DICER1: variants seen among roughly 807,000 people sequenced by gnomAD.
DICER1 encodes endoribonuclease Dicer.
Under a neutral mutation model 194.1 loss-of-function variants are expected in DICER1, and 43 were observed. That is an observed-to-expected ratio of 0.22 (90% CI 0.17 to 0.29). DICER1 has a LOEUF of 0.29. Ranked by LOEUF, DICER1 falls within the 10% of genes least tolerant of loss-of-function variation. The pLI, the probability that DICER1 is intolerant of heterozygous loss-of-function variation, is 1.00. For missense variants in DICER1, 1,608 were observed against 2,317.0 expected (o/e 0.69, Z 6.28); for synonymous variants, 832 against 820.5 (o/e 1.01, Z -0.24).
chr14:95,157,127 G>T (rs1442525389), intron 1 of DICER1, 103 bp downstream of exon 1: 1 of 150,102 alleles, frequency 6.7e-6, no homozygotes, highest in Non-Finnish European at 1.5e-5. Flanking sequence ...GCGCGGCTCG[G>T]GGCCATGGCC....
chr14:95,108,535 C>T, intron 14 of DICER1, 32 bp from the exon 15 acceptor site: 6 of 1,595,744 alleles, frequency 3.8e-6, no homozygotes, highest in Non-Finnish European at 5.2e-6. Flanking sequence ...AAGCGTCATG[C>T]TCAAGCATAT....
At chr14:95,123,260 T>C (rs1210785333) in intron 8 of DICER1, among the ~76,000 whole-genome samples, 1 of 152,112 alleles carries the variant, frequency 6.6e-6, no homozygotes, top group African/African-American at 2.4e-5. Context: ...GGAGAAAGAG[T>C]AGGAATCCAC....
intron 1 of DICER1, among the ~76,000 whole-genome samples, chr14:95,135,440 C>G (rs910030040): frequency 6.7e-6 from 1 of 148,996 alleles, no homozygotes; most frequent in Non-Finnish European, 1.5e-5. Context: ...AGCAGCACCC[C>G]CTCCTCCCTA....
chr14:95,154,918 C>G (rs1895744155), intron 1 of DICER1, among the ~76,000 whole-genome samples: 1 of 151,878 alleles, frequency 6.6e-6, no homozygotes, highest in South Asian at 2.1e-4. Context: ...ATTCATTCAC[C>G]TGAACATTTA....
Position 95,103,589 on chromosome 14 carries a change from T to C in DICER1, c.3807A>G (p.Gln1269=), listed in dbSNP as rs1436092624. Residue 1269 remains glutamine, a synonymous_variant, in exon 21 of 27, where the codon CAA becomes CAG. Coordinates refer to ENST00000343455, the MANE Select transcript of DICER1 (RefSeq NM_177438.3). The stretch of plus-strand genomic sequence containing the variant: ...CAGAATCCATCCTGCCCTTGAGCAC[T>C]TGAATAGTGTCTGTCGTACCAGGCA... The part of the protein sequence containing the change: ...AVMPGTTDTI[Q]VLKGRMDSEQ... 1.9e-6 allele frequency: 3 copies of C among 1,614,194 alleles called. No homozygotes were observed. Among genetic ancestry groups the C allele is most frequent in the Non-Finnish European group, 2.5e-6 (3 of 1,180,030 alleles).
intron 22 of DICER1, among the ~76,000 whole-genome samples, chr14:95,097,224 A>T (rs373433918): frequency 1.7e-4 from 26 of 152,322 alleles, no homozygotes; most frequent in East Asian, 1.5e-3. Flanking sequence ...AAACAGATAA[A>T]ATCATTTTTT....
At chr14:95,125,342 T>C (rs1211566192) in intron 7 of DICER1, among the ~76,000 whole-genome samples, 1 of 151,492 alleles carries the variant, frequency 6.6e-6, no homozygotes, top group African/African-American at 2.4e-5. Flanking sequence ...GTTATCCGAT[T>C]TCAATGAAAA....
At chr14:95,109,382 G>T (rs932169804) in intron 14 of DICER1, among the ~76,000 whole-genome samples, 1 of 152,166 alleles carries the variant, frequency 6.6e-6, no homozygotes, top group African/African-American at 2.4e-5. Flanking sequence ...TAATTAAACA[G>T]GATGCCAGGC....
In DICER1 at chr14:95,090,053, C is replaced by A. The variant is rs1889647784; in HGVS notation, c.*445G>T. 3 of 320,490 alleles carry A rather than the reference C, an allele frequency of 9.4e-6. No homozygotes were observed. The highest frequency in any genetic ancestry group is 4.6e-5 in the Admixed American group (1 of 21,566). The allele number at this position is 320,490 out of a possible 1,614,324, so 19.9% of individuals were successfully genotyped here. A position where few individuals can be genotyped will look rare whatever the true frequency, so the allele number is the denominator to read the frequency against. ...ATCTTTCTATTCAGCTTATCAACTA[C>A]TGCAGGACTGGCACTACTGCACACA... On this transcript the variant is annotated 3_prime_UTR_variant, in exon 27 of 27. Coordinates refer to ENST00000343455, the MANE Select transcript of DICER1 (RefSeq NM_177438.3).
Position 95,091,022 on chromosome 14 carries a change from T to C in DICER1, c.5603+12A>G, listed in dbSNP as rs1048486911. 1.2e-6 allele frequency: 2 copies of C among 1,610,106 alleles called. No individual in the cohort carries two copies. Among genetic ancestry groups the C allele is most frequent in the Non-Finnish European group, 1.7e-6 (2 of 1,177,236 alleles). Reference sequence around the variant, plus strand: ...TAAGTTAATGTTTTTTCCATGTACATTTTTTGCTTACCTAAATTTGGCAGT... The same window carrying C: ...TAAGTTAATGTTTTTTCCATGTACACTTTTTGCTTACCTAAATTTGGCAGT... On this transcript the variant is annotated intron_variant, in intron 26 of 26. Coordinates refer to ENST00000343455, the MANE Select transcript of DICER1 (RefSeq NM_177438.3).
intron 14 of DICER1, among the ~76,000 whole-genome samples, chr14:95,109,314 G>A (rs1036409167): frequency 6.6e-6 from 1 of 152,200 alleles, no homozygotes; most frequent in Non-Finnish European, 1.5e-5. Context: ...GTACAAAAAT[G>A]CTGGTAAAAG....
rs1211747930 is a variant in DICER1, at chr14:95,103,760, T to C, written c.3636A>G (p.Gln1212=). 8 of 1,614,232 alleles carry C rather than the reference T, an allele frequency of 5.0e-6. 1 individual carries two copies. In the South Asian group the frequency reaches 8.8e-5, roughly 18 times the overall value. Residue 1212 remains glutamine, a synonymous_variant, in exon 21 of 27, where the codon CAA becomes CAG. Transcript: ENST00000343455. ...TCTGAATGGAATATGAGGTAGTTGG[T>C]TGCACGGGTATTTCCTGCTTGTAGT... is the stretch of plus-strand genomic sequence containing the variant. ...LNYYKQEIPV[Q]PTTSYSIQNL...
rs1889561866 is a variant in DICER1 at position 95,089,017 on chromosome 14, A to T, written c.*1481T>A. 4.3e-6 allele frequency: 1 copy of T among 233,046 alleles called. No individual in the cohort carries two copies. Among genetic ancestry groups the T allele is most frequent in the Non-Finnish European group, 8.5e-6 (1 of 117,946 alleles). 14.4% of individuals were successfully genotyped at this position (233,046 alleles called of 1,614,324 possible). On this transcript the variant is annotated 3_prime_UTR_variant, in exon 27 of 27. Coordinates refer to ENST00000343455, the MANE Select transcript of DICER1 (RefSeq NM_177438.3). ...GCAAGACTGACCCACAGCTTTTAAA[A>T]AGGTAAATTAAGAGGTATTATAGTT...
intron 1 of DICER1, chr14:95,141,872 A>T (rs1356212932): frequency 6.6e-6 from 1 of 152,216 alleles, no homozygotes; most frequent in African/African-American, 2.4e-5. Flanking sequence ...AAGACAATGC[A>T]TGTCTAAAAG....
At chr14:95,095,034 T>C (rs1890184334) in intron 23 of DICER1, among the ~76,000 whole-genome samples, 1 of 152,242 alleles carries the variant, frequency 6.6e-6, no homozygotes, top group African/African-American at 2.4e-5. Flanking sequence ...GTCTTTCCAG[T>C]CCAGAGTCAG....
intron 23 of DICER1, among the ~76,000 whole-genome samples, chr14:95,095,136 T>C (rs1890194772): frequency 6.6e-6 from 1 of 152,254 alleles, no homozygotes; most frequent in African/African-American, 2.4e-5. Flanking sequence ...TACTTTGCTT[T>C]GGTGTTCTGA....
chr14:95,129,311 A>G (rs1893744463), intron 6 of DICER1, 161 bp downstream of exon 6: 1 of 638,058 alleles, frequency 1.6e-6, no homozygotes, highest in South Asian at 1.9e-5. Flanking sequence ...TTGAACTCAC[A>G]GGTAATGGTA....
chr14:95,115,277 T>A (rs1055948240), intron 11 of DICER1, among the ~76,000 whole-genome samples: 1 of 152,168 alleles, frequency 6.6e-6, no homozygotes, highest in Non-Finnish European at 1.5e-5. Context: ...TAAATTACAA[T>A]GTACCCAAAA....
chr14:95,108,047 G>C lies in DICER1; in HGVS notation c.2483C>G (p.Ser828Cys). 1 of 1,613,930 alleles carries C rather than the reference G, an allele frequency of 6.2e-7. No homozygotes were observed. The highest frequency in any genetic ancestry group is 8.5e-7 in the Non-Finnish European group (1 of 1,179,846). ...GAAACCAGACTTCTTCAACTCAATG[G>C]ATATGGTAACCTCTCCAGAGCGTGT... ...VYTRSGEVTISIELKKSGFML... is the reference protein window; with the variant it reads ...VYTRSGEVTICIELKKSGFML... The change falls in exon 16 of 27, where the codon TCC becomes TGC. Residue 828 changes from serine (S) to cysteine (C), a missense_variant. This residue lies in a region of DICER1 where 150 missense variants were observed against 216.0 expected (regional missense o/e 0.69). Coordinates refer to ENST00000343455, the MANE Select transcript of DICER1 (RefSeq NM_177438.3).
Sources: gnomAD v4.1 joint callset for allele counts (sites outside exome capture counted in the v4.1 genomes callset) on GRCh38, gnomAD v4.1.1 for gene constraint, gnomAD v4.1.1 regional missense constraint, MANE v1.5 for transcripts, NCBI Gene and HGNC (gene_info 2026-07-23, HGNC 2026-07-21) for gene names.